Variants in PLCL2 observed in about 807,000 individuals in gnomAD.
PLCL2 encodes phospholipase C like 2.
A neutral mutation model predicts 79.6 loss-of-function variants in PLCL2; 4 were observed. That is an observed-to-expected ratio of 0.05 (90% confidence interval 0.02 to 0.11). PLCL2 has a LOEUF of 0.11. Among genes scored for constraint, PLCL2 ranks in the 10% least tolerant of loss-of-function variants. The probability of loss-of-function intolerance (pLI) is 1.00; values close to 1 mark genes in which losing one functional copy is unlikely to be tolerated. For missense variants in PLCL2, 895 were observed against 1,291.0 expected (o/e 0.69, Z 4.70); for synonymous variants, 484 against 457.7 (o/e 1.06, Z -0.73).
At chr3:17,024,631 T>A (rs762698536) in intron 3 of PLCL2, among the ~76,000 whole-genome samples, 1 of 152,200 alleles carries the variant, frequency 6.6e-6, no homozygotes, top group African/African-American at 2.4e-5. Flanking sequence ...AAGAGCTTAA[T>A]TGGCTTTCCA....
intron 1 of PLCL2, among the ~76,000 whole-genome samples, chr3:16,932,052 G>A (rs1054355406): frequency 1.3e-5 from 2 of 152,092 alleles, no homozygotes; most frequent in Admixed American, 6.6e-5. Context: ...ACCAGAACCC[G>A]ACCACACTGG....
intron 1 of PLCL2, among the ~76,000 whole-genome samples, chr3:16,976,894 A>G (rs978507298): frequency 3.3e-5 from 5 of 152,190 alleles, no homozygotes; most frequent in South Asian, 2.1e-4. Flanking sequence ...TATCATTTGT[A>G]TTAGCCAGAG....
chr3:17,024,475 T>C (rs1248156114), intron 3 of PLCL2, among the ~76,000 whole-genome samples: 3 of 152,214 alleles, frequency 2.0e-5, no homozygotes, highest in African/African-American at 7.2e-5. Flanking sequence ...AAAGTTTTTA[T>C]AGCATCTAGG....
chr3:16,968,623 A>G (rs990896608), intron 1 of PLCL2, among the ~76,000 whole-genome samples: 2 of 152,078 alleles, frequency 1.3e-5, no homozygotes, highest in Admixed American at 1.3e-4. Flanking sequence ...TTGATTTTGT[A>G]TCCTGAAATT....
At chr3:17,070,987 C>G (rs572485704) in intron 5 of PLCL2, among the ~76,000 whole-genome samples, 1 of 152,094 alleles carries the variant, frequency 6.6e-6, no homozygotes, top group Non-Finnish European at 1.5e-5. Context: ...AAGCCTCATC[C>G]CAGACTTCCC....
In PLCL2 at chr3:17,042,938, G is replaced by C. The variant is rs761300801; in HGVS notation, c.3083G>C (p.Cys1028Ser). The C allele has an allele frequency of 4.4e-6, 7 of 1,608,718 alleles. No individual in the cohort carries two copies. Among genetic ancestry groups the C allele is most frequent in the Non-Finnish European group, 6.0e-6 (7 of 1,175,276 alleles). ...GCTGTATATGAAAAGATCGTACATT[G>C]TCAGAAGGCAGGTAAGTGAAAGTTT... ...ADAVYEKIVHCQKAAMEFHEH... is the reference protein window; with the variant it reads ...ADAVYEKIVHSQKAAMEFHEH... Residue 1028 changes from cysteine (C) to serine (S), a missense_variant, in exon 4 of 6, where the codon TGT becomes TCT. By Grantham distance (112) the Cys-to-Ser change is moderately radical (BLOSUM62 -1). Transcript: ENST00000615277.
At position 16,988,921 on chromosome 3, in the gene PLCL2, A is replaced by T. The variant is rs542519795; in HGVS notation, c.328-20753A>T. Among the ~76,000 whole-genome samples, 3 of 152,254 alleles carry T rather than the reference A, an allele frequency of 2.0e-5. 1 individual carries two copies. In the South Asian group the frequency reaches 6.2e-4, roughly 32 times the overall value. On this transcript the variant is annotated intron_variant, in intron 1 of 5. Transcript: ENST00000615277. Reference sequence around the variant, plus strand: ...CATACATTATAGCCTCTTAGATACTATCAGGCATATGAGGTCATTTAAATA... The same window carrying T: ...CATACATTATAGCCTCTTAGATACTTTCAGGCATATGAGGTCATTTAAATA...
intron 1 of PLCL2, among the ~76,000 whole-genome samples, chr3:16,963,762 A>T (rs898629886): frequency 8.5e-5 from 13 of 152,142 alleles, no homozygotes; most frequent in African/African-American, 3.1e-4. Context: ...AAATGAGTTA[A>T]TTGAGGCTTG....
rs561245068 is a variant in PLCL2 at position 16,889,837 on chromosome 3, G to T, written c.327+4471G>T. Among the ~76,000 whole-genome samples, 130 of 152,204 alleles carry T rather than the reference G, an allele frequency of 8.5e-4. 1 individual carries two copies. Among genetic ancestry groups the T allele is most frequent in the African/African-American group, 2.8e-3 (116 of 41,510 alleles). ...ACACTCAGTAACCATTTTTTAATTG[G>T]ATCTTAAAAATAATATCTGCGTTTG... is the stretch of plus-strand genomic sequence containing the variant. On this transcript the variant is annotated intron_variant, in intron 1 of 5. Coordinates refer to ENST00000615277, the MANE Select transcript of PLCL2 (RefSeq NM_001144382.2).
intron 3 of PLCL2, among the ~76,000 whole-genome samples, chr3:17,024,076 G>T (rs2064484933): frequency 6.6e-6 from 1 of 152,130 alleles, no homozygotes; most frequent in African/African-American, 2.4e-5. Flanking sequence ...ATTTCTGGGA[G>T]GGTCCAAGAG....
chr3:17,002,499 G>C (rs2064221237), intron 1 of PLCL2, among the ~76,000 whole-genome samples: 2 of 152,136 alleles, frequency 1.3e-5, no homozygotes, highest in Middle Eastern at 3.4e-3. Flanking sequence ...AATTCTTATT[G>C]ATCTTTTTCT....
chr3:16,956,301 T>C (rs2063705010), intron 1 of PLCL2, among the ~76,000 whole-genome samples: 3 of 152,068 alleles, frequency 2.0e-5, no homozygotes, highest in African/African-American at 2.4e-5. Flanking sequence ...TGGTTTTTGT[T>C]TTTGGTTCTG....
chr3:16,917,340 A>G (rs17042855), intron 1 of PLCL2, among the ~76,000 whole-genome samples: 1,658 of 152,272 alleles, frequency 0.011, 32 homozygotes, highest in African/African-American at 0.038. Flanking sequence ...TCATTTGGTT[A>G]CCTACAAACT....
At chr3:17,025,676 C>G (rs1197844102) in intron 3 of PLCL2, among the ~76,000 whole-genome samples, 4 of 152,076 alleles carry the variant, frequency 2.6e-5, no homozygotes, top group Non-Finnish European at 5.9e-5. Context: ...TTTTTTCTGT[C>G]TGTTATGTCC....
chr3:16,908,434 A>G (rs1455819440), intron 1 of PLCL2, among the ~76,000 whole-genome samples: 7 of 152,248 alleles, frequency 4.6e-5, no homozygotes, highest in African/African-American at 1.4e-4. Flanking sequence ...TTAAGATCCC[A>G]TACGTTTCAA....
At chr3:16,917,771 A>G (rs1218787739) in intron 1 of PLCL2, among the ~76,000 whole-genome samples, 1 of 152,168 alleles carries the variant, frequency 6.6e-6, no homozygotes, top group Non-Finnish European at 1.5e-5. Context: ...TTTAGTTACA[A>G]GTGATTCATA....
chr3:16,932,588 C>T (rs961331143), intron 1 of PLCL2, among the ~76,000 whole-genome samples: 5 of 152,202 alleles, frequency 3.3e-5, no homozygotes, highest in Admixed American at 6.5e-5. Context: ...GGGATTTCTG[C>T]TGAATTTTCT....
At chr3:17,012,237 T>C in intron 2 of PLCL2, 77 bp downstream of exon 2, 1 of 1,265,010 alleles carries the variant, frequency 7.9e-7, no homozygotes, top group Non-Finnish European at 1.1e-6. Flanking sequence ...ATATATTGGT[T>C]TTTTAATAAT....
chr3:17,051,057 A>G (rs1204782534), intron 4 of PLCL2, among the ~76,000 whole-genome samples: 1 of 152,140 alleles, frequency 6.6e-6, no homozygotes, highest in Non-Finnish European at 1.5e-5. Flanking sequence ...GACAAACATC[A>G]CATGTTCCCA....
Sources: gnomAD v4.1 joint callset for allele counts (sites outside exome capture counted in the v4.1 genomes callset) on GRCh38, gnomAD v4.1.1 for gene constraint, MANE v1.5 for transcripts, NCBI Gene and HGNC (gene_info 2026-07-23, HGNC 2026-07-21) for gene names.